The following SOCS5 variants were observed in gnomAD, a reference collection of about 807,000 sequenced individuals.
SOCS5 encodes the protein suppressor of cytokine signaling 5.
A neutral mutation model predicts 42.8 loss-of-function variants in SOCS5; 32 were observed. The observed-to-expected ratio is 0.75, with a 90% CI of 0.56 to 1.01. The LOEUF (loss-of-function observed/expected upper bound fraction) is 1.01. Among genes scored for constraint, SOCS5 ranks in the 50% least tolerant of loss-of-function variants. SOCS5 has a pLI of 0.00. For synonymous variants in SOCS5, 283 were observed against 229.6 expected (o/e 1.23, Z -2.10); for missense variants, 627 against 653.0 (o/e 0.96, Z 0.43).
intron 1 of SOCS5, among the ~76,000 whole-genome samples, chr2:46,754,552 G>T (rs1400504262): frequency 6.6e-6 from 1 of 151,970 alleles, no homozygotes; most frequent in African/African-American, 2.4e-5. Flanking sequence ...ACTCACTGCT[G>T]GGAACTGGAA....
intron 1 of SOCS5, among the ~76,000 whole-genome samples, chr2:46,742,296 C>G (rs1052089647): frequency 2.6e-5 from 4 of 152,086 alleles, no homozygotes; most frequent in Admixed American, 6.5e-5. Context: ...GTTGCCTAGG[C>G]TGGACTTTGA....
At chr2:46,703,723 G>T (rs1672398144) in intron 1 of SOCS5, among the ~76,000 whole-genome samples, 1 of 152,124 alleles carries the variant, frequency 6.6e-6, no homozygotes, top group Non-Finnish European at 1.5e-5. Flanking sequence ...GGTGTAGACT[G>T]TACAAATTAC....
intron 1 of SOCS5, among the ~76,000 whole-genome samples, chr2:46,717,503 A>G (rs1672774860): frequency 6.6e-6 from 1 of 152,186 alleles, no homozygotes; most frequent in Non-Finnish European, 1.5e-5. Flanking sequence ...TATTCATGCC[A>G]GATAAACAAT....
intron 1 of SOCS5, among the ~76,000 whole-genome samples, chr2:46,716,367 A>ATTTT (rs35187667): frequency 1.2e-4 from 2 of 17,042 alleles, no homozygotes; most frequent in East Asian, 2.6e-3. Flanking sequence ...GAGTGTCTTC[A>ATTTT]TTTTTTTTTT....
intron 1 of SOCS5, among the ~76,000 whole-genome samples, chr2:46,714,317 T>C (rs1207908242): frequency 6.6e-6 from 1 of 152,200 alleles, no homozygotes; most frequent in African/African-American, 2.4e-5. Flanking sequence ...TCAAGCATAG[T>C]TTACAGCATT....
At chr2:46,703,457 A>G (rs1672390820) in intron 1 of SOCS5, among the ~76,000 whole-genome samples, 4 of 152,198 alleles carry the variant, frequency 2.6e-5, no homozygotes, top group African/African-American at 9.6e-5. Context: ...AGTTACCACA[A>G]TTTATTGGAC....
chr2:46,718,460 T>A (rs2103708510), intron 1 of SOCS5, among the ~76,000 whole-genome samples: 1 of 152,230 alleles, frequency 6.6e-6, no homozygotes, highest in East Asian at 1.9e-4. Context: ...AGAAATTTTT[T>A]AAAAAAGGAA....
intron 1 of SOCS5, among the ~76,000 whole-genome samples, chr2:46,719,798 A>G (rs1672839295): frequency 6.6e-6 from 1 of 152,204 alleles, no homozygotes; most frequent in Non-Finnish European, 1.5e-5. Flanking sequence ...CCTTCAGGGA[A>G]GCATCATTCA....
intron 1 of SOCS5, among the ~76,000 whole-genome samples, chr2:46,708,735 G>A (rs1311557519): frequency 6.6e-6 from 1 of 152,038 alleles, no homozygotes; most frequent in African/African-American, 2.4e-5. Context: ...TCCTGCCTTC[G>A]GAATCCTGGC....
chr2:46,732,896 T>A (rs1222354650), intron 1 of SOCS5, among the ~76,000 whole-genome samples: 1 of 152,156 alleles, frequency 6.6e-6, no homozygotes, highest in Non-Finnish European at 1.5e-5. Flanking sequence ...TATATGGTGA[T>A]GAGTTAGGTG....
intron 1 of SOCS5, among the ~76,000 whole-genome samples, chr2:46,722,462 A>G (rs960763922): frequency 6.6e-6 from 1 of 152,120 alleles, no homozygotes; most frequent in Admixed American, 6.6e-5. Context: ...TCTTTTATTC[A>G]TCGTAATGTC....
chr2:46,759,656 A>C lies in SOCS5; in HGVS notation c.1126A>C (p.Ile376Leu), dbSNP rs1219089408. ...CTGCCTCGTGCCTGATTTGCTTCAA[A>C]TTACAGGGAATCCCTGTTACTGGGG... ...IHCLVPDLLQ[I>L]TGNPCYWGVM... The change falls in exon 2 of 2, where the codon ATT (isoleucine) becomes CTT (leucine). Residue 376 changes from isoleucine (I) to leucine (L), a missense_variant. Ile to Leu is a conservative substitution (Grantham distance 5, BLOSUM62 2). Around this residue, in one of 3 missense-constraint regions of SOCS5, gnomAD observed 340 missense variants for 367.6 expected, o/e 0.92. Transcript: ENST00000394861. 1 of 1,614,110 alleles carries C rather than the reference A, an allele frequency of 6.2e-7. No homozygotes were observed. The highest frequency in any genetic ancestry group is 1.1e-5 in the South Asian group (1 of 91,078).
rs1022177743 is a variant in SOCS5, at chr2:46,731,610, G to A, written c.-12-26909G>A. ...AGGACTGTGGATGTGGTATGTTGGAGCCAGGTTTGGCCAGTAGAACTGAAC... is the reference window on the plus strand; with the variant it reads ...AGGACTGTGGATGTGGTATGTTGGAACCAGGTTTGGCCAGTAGAACTGAAC... On this transcript the variant is annotated intron_variant, in intron 1 of 1. Transcript: ENST00000394861. 5.3e-5 allele frequency among the ~76,000 whole-genome samples: 8 copies of A among 152,314 alleles called. No individual in the cohort carries two copies. The South Asian group carries it at 1.4e-3, about 28-fold the overall frequency.
intron 1 of SOCS5, among the ~76,000 whole-genome samples, chr2:46,727,276 G>A (rs1673020040): frequency 6.6e-6 from 1 of 151,430 alleles, no homozygotes; most frequent in Non-Finnish European, 1.5e-5. Context: ...AGCCTCCCGA[G>A]TAGCGGAGCA....
At chr2:46,742,633 T>C (rs1481299493) in intron 1 of SOCS5, among the ~76,000 whole-genome samples, 42 of 152,118 alleles carry the variant, frequency 2.8e-4, no homozygotes, top group Non-Finnish European at 5.9e-5. Context: ...CCTTCCCATC[T>C]TTTATTTGAG....
chr2:46,739,304 A>G (rs187010438), intron 1 of SOCS5, among the ~76,000 whole-genome samples: 27 of 152,306 alleles, frequency 1.8e-4, no homozygotes, highest in African/African-American at 6.3e-4. Context: ...AGGTAATATA[A>G]TTAGAGAAAT....
rs758116453 is a variant in SOCS5 at position 46,758,524 on chromosome 2, A to G, written c.-7A>G. ...TTTTGCTGTTTTGTCTTTAGATTTT[A>G]TAATCAATGGATAAAGTGGGAAAAA... On this transcript the variant is annotated 5_prime_UTR_variant, in exon 2 of 2. Transcript: ENST00000394861. The G allele has an allele frequency of 1.3e-6, 2 of 1,571,052 alleles. No individual in the cohort carries two copies. The highest frequency in any genetic ancestry group is 3.9e-5 in the Admixed American group (2 of 50,966).
chr2:46,720,744 G>A (rs1395760624), intron 1 of SOCS5, among the ~76,000 whole-genome samples: 1 of 152,152 alleles, frequency 6.6e-6, no homozygotes, highest in African/African-American at 2.4e-5. Context: ...AAGCTAGACA[G>A]CTGATGCATC....
intron 1 of SOCS5, among the ~76,000 whole-genome samples, chr2:46,748,148 T>C (rs962847785): frequency 4.6e-5 from 7 of 151,954 alleles, no homozygotes; most frequent in African/African-American, 1.7e-4. Flanking sequence ...TGCTAAAGAC[T>C]AATTTTAAGA....
Sources: gnomAD v4.1 joint callset for allele counts (sites outside exome capture counted in the v4.1 genomes callset) on GRCh38, gnomAD v4.1.1 for gene constraint, gnomAD v4.1.1 regional missense constraint, MANE v1.5 for transcripts, NCBI Gene and HGNC (gene_info 2026-07-23, HGNC 2026-07-21) for gene names.